IMMP2L: variants seen among roughly 807,000 people sequenced by gnomAD.
IMMP2L encodes inner mitochondrial membrane peptidase subunit 2, also known as mitochondrial inner membrane protease subunit 2.
In IMMP2L, 18 loss-of-function variants were observed where a neutral mutation model predicts 19.3. The ratio of observed to expected loss-of-function variants is 0.93; its 90% CI spans 0.64 to 1.38. The LOEUF (loss-of-function observed/expected upper bound fraction) is 1.38, where lower values mean the gene tolerates loss of function less well. IMMP2L is among the 40% of genes most tolerant of loss of function. The pLI is 0.00. For missense variants in IMMP2L, 233 were observed against 218.2 expected (o/e 1.07, Z -0.43); for synonymous variants, 76 against 73.0 (o/e 1.04, Z -0.21).
chr7:110,795,623 A>G (rs1800811695), intron 5 of IMMP2L, among the ~76,000 whole-genome samples: 1 of 152,112 alleles, frequency 6.6e-6, no homozygotes, highest in African/African-American at 2.4e-5. Context: ...TGTGACAAAA[A>G]GAGAAGATGG....
At chr7:110,684,142 C>T (rs779778519) in intron 5 of IMMP2L, among the ~76,000 whole-genome samples, 5 of 151,962 alleles carry the variant, frequency 3.3e-5, no homozygotes, top group Non-Finnish European at 7.4e-5. Context: ...AACATAGTAG[C>T]AATAAAATAA....
intron 5 of IMMP2L, among the ~76,000 whole-genome samples, chr7:110,690,445 G>T (rs1397155445): frequency 4.6e-5 from 7 of 152,044 alleles, no homozygotes; most frequent in Admixed American, 3.9e-4. Flanking sequence ...GTTGTTGGAA[G>T]TTCCAGCTAG....
At chr7:111,313,931 T>C (rs1326278552) in intron 3 of IMMP2L, among the ~76,000 whole-genome samples, 1 of 152,064 alleles carries the variant, frequency 6.6e-6, no homozygotes, top group Non-Finnish European at 1.5e-5. Flanking sequence ...TTTGTGATAG[T>C]GAGTTCTCGC....
At position 111,184,317 on chromosome 7, in the gene IMMP2L, T is replaced by A. The variant is rs192790418; in HGVS notation, c.240-220752A>T. Among the ~76,000 whole-genome samples the A allele has an allele frequency of 1.4e-3, 212 of 152,074 alleles. 1 individual carries two copies. Among genetic ancestry groups the A allele is most frequent in the Non-Finnish European group, 2.0e-3 (133 of 67,980 alleles). ...CCTTAAAATATTTAAGGTGCCAATTTCCATCTAAAATGACACCCTGAAAGG... is the reference window on the plus strand; with the variant it reads ...CCTTAAAATATTTAAGGTGCCAATTACCATCTAAAATGACACCCTGAAAGG... On this transcript the variant is annotated intron_variant, in intron 3 of 5. Transcript: ENST00000405709.
At chr7:110,706,236 G>T (rs1385310786) in intron 5 of IMMP2L, among the ~76,000 whole-genome samples, 4 of 152,026 alleles carry the variant, frequency 2.6e-5, no homozygotes, top group Non-Finnish European at 4.4e-5. Flanking sequence ...CCAAGTAGCT[G>T]GGACTATGAG....
chr7:111,080,017 C>CAA lies in IMMP2L; in HGVS notation c.240-116454_240-116453dup, dbSNP rs533466679. On this transcript the variant is annotated intron_variant, in intron 3 of 5. Transcript: ENST00000405709. ...TTGAACTTCGCAGCCTCCAGAACTA[C>CAA]AAAAAAAAAAATGTCATTTCTTTAT... is the stretch of plus-strand genomic sequence containing the variant. Among the ~76,000 whole-genome samples the CAA allele has an allele frequency of 1.8e-4, 10 of 55,498 alleles. No individual in the cohort carries two copies. In the South Asian group the frequency reaches 2.4e-3, roughly 13 times the overall value. The allele number at this position is 55,498 out of a possible 152,430, so 36.4% of individuals were successfully genotyped here. A position where few individuals can be genotyped will look rare whatever the true frequency, so the allele number is the denominator to read the frequency against.
At chr7:111,044,117 C>T (rs1019361348) in intron 3 of IMMP2L, among the ~76,000 whole-genome samples, 31 of 152,332 alleles carry the variant, frequency 2.0e-4, no homozygotes, top group Middle Eastern at 3.4e-3. Context: ...CCCTGAATGC[C>T]TTCTGATCTA....
At chr7:111,453,735 C>A (rs972936853) in intron 3 of IMMP2L, among the ~76,000 whole-genome samples, 1 of 152,104 alleles carries the variant, frequency 6.6e-6, no homozygotes, top group Non-Finnish European at 1.5e-5. Flanking sequence ...TGTCTTGATC[C>A]AACCCAAGAA....
chr7:111,335,472 A>C (rs1393963427), intron 3 of IMMP2L, among the ~76,000 whole-genome samples: 1 of 152,138 alleles, frequency 6.6e-6, no homozygotes, highest in African/African-American at 2.4e-5. Flanking sequence ...AACTCAAAAT[A>C]AAAATAGGTA....
intron 3 of IMMP2L, among the ~76,000 whole-genome samples, chr7:111,015,235 A>T (rs551823087): frequency 6.6e-6 from 1 of 152,302 alleles, no homozygotes; most frequent in South Asian, 2.1e-4. Context: ...AAAAGGAAGG[A>T]TAGCCTATCA....
chr7:110,741,010 A>G (rs1229656708), intron 5 of IMMP2L, among the ~76,000 whole-genome samples: 1 of 152,158 alleles, frequency 6.6e-6, no homozygotes, highest in African/African-American at 2.4e-5. Context: ...AAAAGAAGTC[A>G]TTATATGAAA....
chr7:110,906,743 T>C (rs941417268), intron 4 of IMMP2L, among the ~76,000 whole-genome samples: 1 of 152,104 alleles, frequency 6.6e-6, no homozygotes, highest in Non-Finnish European at 1.5e-5. Flanking sequence ...ACCAGACTTA[T>C]CTGGTTATTT....
At chr7:111,399,925 A>G (rs2131398387) in intron 3 of IMMP2L, among the ~76,000 whole-genome samples, 1 of 152,184 alleles carries the variant, frequency 6.6e-6, no homozygotes, top group South Asian at 2.1e-4. Context: ...TTTTGGCTCT[A>G]TGTAGAACAC....
At chr7:111,269,594 G>A (rs542908229) in intron 3 of IMMP2L, among the ~76,000 whole-genome samples, 1 of 151,866 alleles carries the variant, frequency 6.6e-6, no homozygotes, top group Admixed American at 6.6e-5. Flanking sequence ...TCTTCTGTAT[G>A]TATATGATGT....
At chr7:111,437,544 C>T (rs114609844) in intron 3 of IMMP2L, among the ~76,000 whole-genome samples, 2,250 of 151,908 alleles carry the variant, frequency 0.015, 107 homozygotes, top group African/African-American at 0.051. Flanking sequence ...CAACAAAACG[C>T]AAAAACGATA....
chr7:111,105,540 T>A (rs1354317106), intron 3 of IMMP2L, among the ~76,000 whole-genome samples: 6 of 151,894 alleles, frequency 4.0e-5, no homozygotes, highest in Non-Finnish European at 8.8e-5. Context: ...AAAAATGGGT[T>A]GCTGTAGCAA....
At chr7:110,824,960 T>C (rs1261296267) in intron 5 of IMMP2L, among the ~76,000 whole-genome samples, 11 of 152,034 alleles carry the variant, frequency 7.2e-5, no homozygotes, top group Non-Finnish European at 1.2e-4. Context: ...CAGCCCAAAA[T>C]CTCCTTAAGC....
Position 111,145,720 on chromosome 7 carries a change from T to C in IMMP2L, c.240-182155A>G, listed in dbSNP as rs143379506. The stretch of plus-strand genomic sequence containing the variant: ...GTGGTTGCAAAGACTTAAGTAATAC[T>C]AAGGGACTATTAGAATCATGAGCCA... On this transcript the variant is annotated intron_variant, in intron 3 of 5. Transcript: ENST00000405709. 3.1e-3 allele frequency among the ~76,000 whole-genome samples: 474 copies of C among 152,198 alleles called. 7 individuals carry two copies. The highest frequency in any genetic ancestry group is 0.026 in the East Asian group (133 of 5,176).
chr7:110,724,703 T>C (rs1795781820), intron 5 of IMMP2L: 1 of 152,148 alleles, frequency 6.6e-6, no homozygotes, highest in Non-Finnish European at 1.5e-5. Context: ...CCAATAGTTT[T>C]GTAAATTTGT....
Sources: gnomAD v4.1 joint callset for allele counts (sites outside exome capture counted in the v4.1 genomes callset) on GRCh38, gnomAD v4.1.1 for gene constraint, MANE v1.5 for transcripts, NCBI Gene and HGNC (gene_info 2026-07-23, HGNC 2026-07-21) for gene names.